NCKAP5: variants seen among roughly 807,000 people sequenced by gnomAD.
NCKAP5 encodes the protein NCK associated protein 5, also known as nck-associated protein 5.
Under a neutral mutation model 167.0 loss-of-function variants are expected in NCKAP5, and 92 were observed. The ratio of observed to expected loss-of-function variants is 0.55; its 90% CI spans 0.47 to 0.66. The LOEUF (loss-of-function observed/expected upper bound fraction) is 0.66. NCKAP5 is among the 30% of genes least tolerant of loss of function. The probability of loss-of-function intolerance (pLI) is 0.00; values close to 1 mark genes in which losing one functional copy is unlikely to be tolerated. For missense variants in NCKAP5, 2,378 were observed against 2,315.0 expected (o/e 1.03, Z -0.56); for synonymous variants, 891 against 877.4 (o/e 1.02, Z -0.27).
At chr2:132,909,236 C>T (rs1409946814) in intron 8 of NCKAP5, among the ~76,000 whole-genome samples, 1 of 152,084 alleles carries the variant, frequency 6.6e-6, no homozygotes, top group African/African-American at 2.4e-5. Flanking sequence ...ATCCCAGCTA[C>T]TCAGGAGGCT....
chr2:133,063,379 T>C (rs1397647169), intron 6 of NCKAP5, among the ~76,000 whole-genome samples: 1 of 152,224 alleles, frequency 6.6e-6, no homozygotes, highest in Non-Finnish European at 1.5e-5. Context: ...CTGTTTGAAG[T>C]TACATATACA....
chr2:133,397,480 A>G (rs1375365516), intron 3 of NCKAP5, among the ~76,000 whole-genome samples: 1 of 152,214 alleles, frequency 6.6e-6, no homozygotes, highest in African/African-American at 2.4e-5. Flanking sequence ...TTTGAAGCAT[A>G]TCTTTGTTTC....
chr2:132,831,241 G>A (rs1460395406), intron 11 of NCKAP5, among the ~76,000 whole-genome samples: 1 of 152,066 alleles, frequency 6.6e-6, no homozygotes, highest in Non-Finnish European at 1.5e-5. Flanking sequence ...TTGTTGTTAT[G>A]AACAATGGGG....
intron 6 of NCKAP5, among the ~76,000 whole-genome samples, chr2:133,124,587 T>C (rs1405165380): frequency 2.0e-5 from 3 of 152,254 alleles, no homozygotes; most frequent in African/African-American, 7.2e-5. Flanking sequence ...CTGGCTGTTC[T>C]GAATCTGGAC....
At chr2:133,172,355 C>T (rs1218453189) in intron 5 of NCKAP5, among the ~76,000 whole-genome samples, 2 of 152,238 alleles carry the variant, frequency 1.3e-5, no homozygotes, top group African/African-American at 4.8e-5. Context: ...TGTGTCTTAA[C>T]ACTTCATTGA....
chr2:132,822,424 G>A (rs1686818172), intron 11 of NCKAP5, among the ~76,000 whole-genome samples: 1 of 152,184 alleles, frequency 6.6e-6, no homozygotes, highest in Non-Finnish European at 1.5e-5. Flanking sequence ...GAGCCTGATA[G>A]CCCTGCTGCA....
intron 2 of NCKAP5, among the ~76,000 whole-genome samples, chr2:133,517,812 GGAATGGGTTTGCAGGTT>G (rs1406525531): frequency 6.6e-6 from 1 of 152,134 alleles, no homozygotes; most frequent in African/African-American, 2.4e-5. Context: ...ATGGAGTTGG[GGAATGGGTTTGCAGGTT>G]GAATCAGCAG....
chr2:133,393,941 C>T (rs917479229), intron 3 of NCKAP5, among the ~76,000 whole-genome samples: 8 of 152,152 alleles, frequency 5.3e-5, no homozygotes, highest in African/African-American at 1.7e-4. Flanking sequence ...GAAACCATGA[C>T]AAAAAATAAT....
chr2:132,873,248 C>T (rs1410007262), intron 9 of NCKAP5, among the ~76,000 whole-genome samples: 3 of 152,030 alleles, frequency 2.0e-5, no homozygotes, highest in African/African-American at 4.8e-5. Flanking sequence ...GGACTACAGG[C>T]GCCCACCACC....
At chr2:133,673,843 T>C in the NCKAP5 span, among the ~76,000 whole-genome samples, 2 of 152,174 alleles carry the variant, frequency 1.3e-5, no homozygotes, top group African/African-American at 4.8e-5. Flanking sequence ...AGATTCTTTG[T>C]TTGCAATGAA....
chr2:132,851,575 C>G (rs1689083111), intron 11 of NCKAP5, among the ~76,000 whole-genome samples: 1 of 152,138 alleles, frequency 6.6e-6, no homozygotes, highest in African/African-American at 2.4e-5. Flanking sequence ...GGCCTTCCTG[C>G]AGTTCTCTTC....
At chr2:133,018,245 T>G (rs2078412097) in intron 6 of NCKAP5, among the ~76,000 whole-genome samples, 1 of 152,156 alleles carries the variant, frequency 6.6e-6, no homozygotes, top group African/African-American at 2.4e-5. Flanking sequence ...CGCCTAGCAA[T>G]CGGGTTGTCT....
At chr2:133,103,712 C>T (rs976076703) in intron 6 of NCKAP5, among the ~76,000 whole-genome samples, 4 of 152,114 alleles carry the variant, frequency 2.6e-5, no homozygotes, top group East Asian at 1.9e-4. Context: ...CCCAGGAGTT[C>T]GAGGCTGCGG....
At chr2:133,304,551 G>A (rs781632133) in intron 3 of NCKAP5, among the ~76,000 whole-genome samples, 8 of 152,204 alleles carry the variant, frequency 5.3e-5, no homozygotes, top group East Asian at 1.9e-4. Context: ...ACATGGTTAC[G>A]CTTTTAACTG....
chr2:133,192,091 G>T (rs766474292), intron 5 of NCKAP5, among the ~76,000 whole-genome samples: 7 of 152,008 alleles, frequency 4.6e-5, no homozygotes, highest in Admixed American at 6.6e-5. Context: ...TATCAGTGGA[G>T]GGACGGACAT....
chr2:133,074,892 T>G (rs568072248), intron 6 of NCKAP5, among the ~76,000 whole-genome samples: 42 of 151,404 alleles, frequency 2.8e-4, no homozygotes, highest in African/African-American at 9.7e-4. Context: ...TCACAGAAAA[T>G]GAAAAGAAAG....
chr2:133,070,031 T>C (rs978807015), intron 6 of NCKAP5, among the ~76,000 whole-genome samples: 12 of 152,170 alleles, frequency 7.9e-5, no homozygotes, highest in African/African-American at 1.7e-4. Flanking sequence ...ATGCCATTAA[T>C]ATCACTTACA....
the NCKAP5 span, among the ~76,000 whole-genome samples, chr2:133,656,149 T>C: frequency 6.6e-6 from 1 of 152,216 alleles, no homozygotes; most frequent in Non-Finnish European, 1.5e-5. Flanking sequence ...AATGCTGCTA[T>C]AGATTCTATA....
At chr2:132,727,659 C>A (rs1294689294) in intron 18 of NCKAP5, among the ~76,000 whole-genome samples, 2 of 152,212 alleles carry the variant, frequency 1.3e-5, no homozygotes, top group Non-Finnish European at 2.9e-5. Flanking sequence ...TCCTCCTTTG[C>A]CTCTCAGACC....
Sources: allele counts gnomAD v4.1 joint callset (sites outside exome capture counted in the v4.1 genomes callset), GRCh38; gene constraint gnomAD v4.1.1; transcripts MANE v1.5; gene names NCBI Gene and HGNC (gene_info 2026-07-23, HGNC 2026-07-21).